The following STPG2 variants were observed in gnomAD, a reference collection of about 807,000 sequenced individuals.
STPG2 encodes sperm tail PG-rich repeat containing 2, also known as sperm-tail PG-rich repeat-containing protein 2.
Under a neutral mutation model 54.2 loss-of-function variants are expected in STPG2, and 56 were observed. That is an observed-to-expected ratio of 1.03 (90% CI 0.83 to 1.29). The LOEUF (loss-of-function observed/expected upper bound fraction) is 1.29, where lower values mean the gene tolerates loss of function less well. STPG2 is among the 50% of genes most tolerant of loss of function. The pLI, the probability that STPG2 is intolerant of heterozygous loss-of-function variation, is 0.00. For missense variants in STPG2, 596 were observed against 544.9 expected, an observed-to-expected ratio of 1.09 and a Z score of -0.93; for synonymous variants, 200 against 181.8, an observed-to-expected ratio of 1.10 and a Z score of -0.81.
intron 9 of STPG2, among the ~76,000 whole-genome samples, chr4:97,731,184 T>C (rs1410984291): frequency 6.6e-6 from 1 of 152,196 alleles, no homozygotes; most frequent in African/African-American, 2.4e-5. Context: ...TTTGTTTTTA[T>C]ATTCTTTAAT....
intron 9 of STPG2, among the ~76,000 whole-genome samples, chr4:97,793,641 TGAA>T (rs1440577326): frequency 3.3e-5 from 5 of 151,554 alleles, no homozygotes; most frequent in Non-Finnish European, 7.4e-5. Context: ...AAACAATAAA[TGAA>T]GAAAATAATA....
intron 10 of STPG2, among the ~76,000 whole-genome samples, chr4:97,566,026 C>A (rs1165113992): frequency 6.6e-6 from 1 of 152,122 alleles, no homozygotes. Context: ...TTGTCTGTGC[C>A]CTGACCCCAG....
intron 4 of STPG2, among the ~76,000 whole-genome samples, chr4:97,531,871 T>C (rs1388505300): frequency 1.3e-5 from 2 of 152,208 alleles, no homozygotes; most frequent in African/African-American, 2.4e-5. Flanking sequence ...AAGAATATAA[T>C]TGGATTATTT....
chr4:98,105,711 T>A (rs1312523762), intron 5 of STPG2, among the ~76,000 whole-genome samples: 2 of 152,084 alleles, frequency 1.3e-5, no homozygotes, highest in Non-Finnish European at 2.9e-5. Context: ...CTTTGTTTCA[T>A]TTTTCTTGCA....
At chr4:97,540,043 AC>A (rs1176329053) in intron 4 of STPG2, among the ~76,000 whole-genome samples, 3 of 152,310 alleles carry the variant, frequency 2.0e-5, no homozygotes, top group South Asian at 4.1e-4. Flanking sequence ...TAAAATTGAC[AC>A]CCTAACATCA....
intron 10 of STPG2, among the ~76,000 whole-genome samples, chr4:97,698,999 A>G (rs1451694026): frequency 6.6e-6 from 1 of 152,200 alleles, no homozygotes; most frequent in Non-Finnish European, 1.5e-5. Flanking sequence ...CATTGCATAC[A>G]GGATAGGCAA....
chr4:98,031,031 A>G (rs1190113663), intron 5 of STPG2, among the ~76,000 whole-genome samples: 1 of 152,208 alleles, frequency 6.6e-6, no homozygotes, highest in African/African-American at 2.4e-5. Context: ...AGAGTCACCA[A>G]AACAGCATGG....
chr4:98,041,181 A>G (rs1056839475), intron 5 of STPG2, among the ~76,000 whole-genome samples: 3 of 151,744 alleles, frequency 2.0e-5, no homozygotes, highest in African/African-American at 4.8e-5. Flanking sequence ...CACTGATTTC[A>G]TATCTCGAAA....
At chr4:98,112,249 T>G (rs774645312) in intron 3 of STPG2, among the ~76,000 whole-genome samples, 1 of 152,140 alleles carries the variant, frequency 6.6e-6, no homozygotes, top group Non-Finnish European at 1.5e-5. Context: ...TTGTTCCCTT[T>G]CAATGTTTAG....
chr4:97,638,070 A>T (rs965670488), intron 10 of STPG2, among the ~76,000 whole-genome samples: 3 of 152,218 alleles, frequency 2.0e-5, no homozygotes, highest in African/African-American at 7.2e-5. Flanking sequence ...AGCTGAAGCC[A>T]TCACACTACC....
At chr4:97,506,610 T>C (rs892049073) in intron 4 of STPG2, among the ~76,000 whole-genome samples, 1 of 151,876 alleles carries the variant, frequency 6.6e-6, no homozygotes, top group Non-Finnish European at 1.5e-5. Flanking sequence ...ATGATGTACA[T>C]GGAGAATTAA....
At chr4:97,779,310 T>A (rs142495135) in intron 9 of STPG2, among the ~76,000 whole-genome samples, 292 of 152,134 alleles carry the variant, frequency 1.9e-3, no homozygotes, top group African/African-American at 6.9e-3. Flanking sequence ...ACCGATTCGA[T>A]CAACTGGAAG....
intron 5 of STPG2, among the ~76,000 whole-genome samples, chr4:97,996,546 G>A (rs1256473950): frequency 6.3e-5 from 4 of 63,500 alleles, no homozygotes; most frequent in African/African-American, 2.3e-4. Context: ...CATAGGACTT[G>A]GCAAAGATTT....
At chr4:98,003,584 A>G (rs1735480832) in intron 5 of STPG2, among the ~76,000 whole-genome samples, 1 of 152,112 alleles carries the variant, frequency 6.6e-6, no homozygotes, top group Non-Finnish European at 1.5e-5. Context: ...AATATATGCC[A>G]CTTAAAAAGA....
At chr4:97,878,328 T>C (rs1322727843) in intron 8 of STPG2, among the ~76,000 whole-genome samples, 1 of 152,204 alleles carries the variant, frequency 6.6e-6, no homozygotes, top group African/African-American at 2.4e-5. Context: ...GTGCGGGGAC[T>C]CACACCCCAC....
intron 10 of STPG2, among the ~76,000 whole-genome samples, chr4:97,574,654 G>A (rs1356655412): frequency 6.6e-6 from 1 of 151,948 alleles, no homozygotes; most frequent in Non-Finnish European, 1.5e-5. Flanking sequence ...TTTATGGTTT[G>A]TTTCAGGGTG....
chr4:97,741,476 C>A (rs1725232008), intron 9 of STPG2, among the ~76,000 whole-genome samples: 1 of 151,226 alleles, frequency 6.6e-6, no homozygotes, highest in Non-Finnish European at 1.5e-5. Context: ...TGACAAAGGG[C>A]TAATATCCAG....
chr4:97,506,409 C>T (rs1730845776), intron 4 of STPG2, among the ~76,000 whole-genome samples: 1 of 151,744 alleles, frequency 6.6e-6, no homozygotes, highest in African/African-American at 2.4e-5. Flanking sequence ...AAGAAAATAG[C>T]TTTCAAAAAC....
intron 10 of STPG2, among the ~76,000 whole-genome samples, chr4:97,636,486 A>G (rs1051417302): frequency 2.1e-5 from 3 of 145,550 alleles, no homozygotes; most frequent in African/African-American, 8.2e-5. Flanking sequence ...AGAAATAACT[A>G]AAATCCGAGC....
Sources: gnomAD v4.1 joint callset for allele counts (sites outside exome capture counted in the v4.1 genomes callset) on GRCh38, gnomAD v4.1.1 for gene constraint, MANE v1.5 for transcripts, NCBI Gene and HGNC (gene_info 2026-07-23, HGNC 2026-07-21) for gene names.